Variants in TRPM3 observed in about 807,000 individuals in gnomAD.
TRPM3 encodes long transient receptor potential channel 3.
Under a neutral mutation model 181.2 loss-of-function variants are expected in TRPM3, and 77 were observed. The observed-to-expected ratio is 0.42, with a 90% CI of 0.35 to 0.51. The LOEUF (loss-of-function observed/expected upper bound fraction) is 0.51, where lower values mean the gene tolerates loss of function less well. Among genes scored for constraint, TRPM3 ranks in the 20% least tolerant of loss-of-function variants. The pLI is 0.01. For missense variants in TRPM3, 1,759 were observed against 2,196.7 expected (o/e 0.80, Z 3.98); for synonymous variants, 745 against 796.4 (o/e 0.94, Z 1.09).
intron 1 of TRPM3, among the ~76,000 whole-genome samples, chr9:70,999,106 C>T (rs1199231942): frequency 1.3e-5 from 2 of 152,126 alleles, no homozygotes; most frequent in African/African-American, 4.8e-5. Context: ...GTTCCAGTTG[C>T]CTTTCATAGA....
chr9:71,359,421 T>C (rs895783315), intron 1 of TRPM3, among the ~76,000 whole-genome samples: 1 of 152,224 alleles, frequency 6.6e-6, no homozygotes, highest in African/African-American at 2.4e-5. Context: ...ATATTTAAAA[T>C]GTGCCTATGT....
At chr9:70,681,252 T>C (rs1042226227) in intron 9 of TRPM3, among the ~76,000 whole-genome samples, 2 of 152,162 alleles carry the variant, frequency 1.3e-5, no homozygotes, top group Non-Finnish European at 2.9e-5. Flanking sequence ...AGCCTTTTTC[T>C]TTATATACGT....
chr9:71,114,221 T>C (rs776392058), intron 1 of TRPM3, among the ~76,000 whole-genome samples: 7 of 152,212 alleles, frequency 4.6e-5, no homozygotes, highest in Non-Finnish European at 5.9e-5. Context: ...ATGATATCCC[T>C]ACACTACAAC....
rs755734117 is a variant in TRPM3 at position 70,831,978 on chromosome 9, TA to T, written c.802-3961del. On this transcript the variant is annotated intron_variant, in intron 5 of 25. Transcript: ENST00000677713. ...TACCCCATAAATATATATATATATATATATATATATATATATATACCTACTA... is the reference window on the plus strand; with the variant it reads ...TACCCCATAAATATATATATATATATTATATATATATATATATACCTACTA... Among the ~76,000 whole-genome samples, 20 of 114,466 alleles carry T rather than the reference TA, an allele frequency of 1.7e-4. 1 individual carries two copies. The highest frequency in any genetic ancestry group is 3.7e-4 in the Non-Finnish European group (19 of 51,596). The allele number at this position is 114,466 out of a possible 152,430, so 75.1% of individuals were successfully genotyped here.
At chr9:70,936,188 A>G (rs1157774502) in intron 1 of TRPM3, among the ~76,000 whole-genome samples, 1 of 152,246 alleles carries the variant, frequency 6.6e-6, no homozygotes, top group African/African-American at 2.4e-5. Flanking sequence ...TGTAAGTTTA[A>G]TAAATGCAGT....
rs377196189 is a variant in TRPM3, at chr9:70,586,012, T to G, written c.3223+5019A>C. Among the ~76,000 whole-genome samples the G allele has an allele frequency of 2.0e-4, 31 of 152,328 alleles. No individual in the cohort carries two copies. The South Asian group carries it at 6.4e-3, about 32-fold the overall frequency. On this transcript the variant is annotated intron_variant, in intron 22 of 25. Coordinates refer to ENST00000677713, the MANE Select transcript of TRPM3 (RefSeq NM_001366145.2). The stretch of plus-strand genomic sequence containing the variant: ...GAACTTTTCATACTAATTCGCAGTT[T>G]GGAAGGCCATTCTTCTCTCCTTACA...
intron 1 of TRPM3, among the ~76,000 whole-genome samples, chr9:71,058,804 G>C (rs2060961366): frequency 6.6e-6 from 1 of 151,838 alleles, no homozygotes; most frequent in African/African-American, 2.4e-5. Context: ...TTGAGTTTCA[G>C]CCAATCACAG....
intron 1 of TRPM3, among the ~76,000 whole-genome samples, chr9:71,317,284 G>C (rs1329026521): frequency 6.6e-6 from 1 of 152,100 alleles, no homozygotes; most frequent in Admixed American, 6.6e-5. Context: ...GTAAAAAAAG[G>C]CTCATTGATA....
intron 1 of TRPM3, among the ~76,000 whole-genome samples, chr9:71,201,318 A>T (rs1259336502): frequency 6.6e-6 from 1 of 151,724 alleles, no homozygotes; most frequent in Non-Finnish European, 1.5e-5. Context: ...TTTTTCCTTC[A>T]TTTCAACTTT....
chr9:70,918,438 A>G (rs957556614), intron 1 of TRPM3, among the ~76,000 whole-genome samples: 3 of 152,192 alleles, frequency 2.0e-5, no homozygotes, highest in Non-Finnish European at 4.4e-5. Flanking sequence ...CCTGACCACA[A>G]TGAAATAAAA....
chr9:70,887,791 C>T (rs190389153), intron 1 of TRPM3, among the ~76,000 whole-genome samples: 2 of 152,226 alleles, frequency 1.3e-5, no homozygotes, highest in African/African-American at 4.8e-5. Flanking sequence ...CCTCTATGTA[C>T]ATAAATACAC....
chr9:71,401,290 G>A (rs2093337434), intron 1 of TRPM3, among the ~76,000 whole-genome samples: 1 of 152,010 alleles, frequency 6.6e-6, no homozygotes, highest in South Asian at 2.1e-4. Flanking sequence ...AACACACGTG[G>A]GGTGGAAGGA....
At chr9:71,032,035 T>TA (rs1565023273) in intron 1 of TRPM3, among the ~76,000 whole-genome samples, 1 of 184 alleles carries the variant, frequency 5.4e-3, no homozygotes, top group Non-Finnish European at 9.8e-3. Flanking sequence ...ATAATATAAA[T>TA]ATATATATAT....
At chr9:70,969,756 T>TTATATA (rs78938143) in intron 1 of TRPM3, among the ~76,000 whole-genome samples, 1,357 of 126,594 alleles carry the variant, frequency 0.011, 45 homozygotes, top group African/African-American at 0.033. Context: ...CTGAATGATT[T>TTATATA]TATATATATA....
chr9:70,688,320 G>A (rs888462719), intron 8 of TRPM3, among the ~76,000 whole-genome samples: 1 of 152,062 alleles, frequency 6.6e-6, no homozygotes, highest in African/African-American at 2.4e-5. Flanking sequence ...TATTTCAATA[G>A]TTTTTGGAGT....
intron 1 of TRPM3, among the ~76,000 whole-genome samples, chr9:71,062,831 C>T (rs182797220): frequency 9.3e-4 from 142 of 152,172 alleles, no homozygotes; most frequent in African/African-American, 3.2e-3. Flanking sequence ...CTTGGCCTTC[C>T]GCCTTCTACC....
intron 9 of TRPM3, among the ~76,000 whole-genome samples, chr9:70,673,843 G>A (rs2063455835): frequency 6.6e-6 from 1 of 151,696 alleles, no homozygotes; most frequent in Admixed American, 6.6e-5. Context: ...CAGCTACTCG[G>A]GAGGCTGAGG....
chr9:71,424,283 G>T (rs1003539925), intron 1 of TRPM3, among the ~76,000 whole-genome samples: 48 of 152,064 alleles, frequency 3.2e-4, no homozygotes, highest in African/African-American at 1.1e-3. Flanking sequence ...TTACCTTGTG[G>T]CAAGCCATTT....
At chr9:71,359,613 T>C (rs756031768) in intron 1 of TRPM3, among the ~76,000 whole-genome samples, 12 of 152,204 alleles carry the variant, frequency 7.9e-5, no homozygotes, top group Non-Finnish European at 1.3e-4. Context: ...ATTCTTATTA[T>C]GCCCATATAT....
Sources: gnomAD v4.1 joint callset for allele counts (sites outside exome capture counted in the v4.1 genomes callset) on GRCh38, gnomAD v4.1.1 for gene constraint, MANE v1.5 for transcripts, NCBI Gene and HGNC (gene_info 2026-07-23, HGNC 2026-07-21) for gene names.